RBM33: variants seen among roughly 807,000 people sequenced by gnomAD.
The protein encoded by RBM33 is RNA binding motif protein 33, also known as RNA-binding protein 33.
RBM33 carries 28 observed loss-of-function variants against 132.6 expected under a neutral mutation model. That is an observed-to-expected ratio of 0.21 (90% confidence interval 0.16 to 0.29). RBM33 has a LOEUF of 0.29. Among genes scored for constraint, RBM33 ranks in the 10% least tolerant of loss-of-function variants. The pLI, the probability that RBM33 is intolerant of heterozygous loss-of-function variation, is 1.00. For synonymous variants in RBM33, 634 were observed against 593.0 expected (o/e 1.07, Z -1.01); for missense variants, 1,291 against 1,518.5 (o/e 0.85, Z 2.49).
chr7:155,656,513 C>G (rs1798495305), intron 1 of RBM33, among the ~76,000 whole-genome samples: 1 of 152,040 alleles, frequency 6.6e-6, no homozygotes, highest in Admixed American at 6.6e-5. Flanking sequence ...CTTTTTACAA[C>G]TACGTATTTA....
rs776438670 is a variant in RBM33, at chr7:155,673,799, C to CACACACACAT, written c.171+886_171+887insACACACATAC. ...ACACACACACACACACACACACACA[C>CACACACACAT]ACCCCTACCAGTATATTTCGGACAT... On this transcript the variant is annotated intron_variant, in intron 3 of 17. Transcript: ENST00000401878. 1.4e-4 allele frequency among the ~76,000 whole-genome samples: 21 copies of CACACACACAT among 149,228 alleles called. 2 individuals carry two copies. Among genetic ancestry groups the CACACACACAT allele is most frequent in the African/African-American group, 4.8e-4 (19 of 39,478 alleles).
At chr7:155,673,940 G>GTTGTTGCTTTTTTTTTGTTTTT in intron 3 of RBM33, among the ~76,000 whole-genome samples, 1 of 54,214 alleles carries the variant, frequency 1.8e-5, no homozygotes. Context: ...TTTAGGCTTA[G>GTTGTTGCTTTTTTTTTGTTTTT]TTTTTTTTTT....
At chr7:155,773,031 C>T (rs548328957) in intron 16 of RBM33, among the ~76,000 whole-genome samples, 12 of 152,298 alleles carry the variant, frequency 7.9e-5, no homozygotes, top group African/African-American at 2.6e-4. Flanking sequence ...TGTTTTTTAG[C>T]TGTTTGCTTC....
chr7:155,656,219 G>A (rs1344838220), intron 1 of RBM33, among the ~76,000 whole-genome samples: 1 of 152,228 alleles, frequency 6.6e-6, no homozygotes, highest in East Asian at 1.9e-4. Flanking sequence ...TTGTTAACCA[G>A]TGTGATTTTG....
chr7:155,725,794 T>C (rs1009035710), intron 9 of RBM33, among the ~76,000 whole-genome samples: 16 of 152,246 alleles, frequency 1.1e-4, no homozygotes, highest in African/African-American at 3.9e-4. Flanking sequence ...ATTATCCTAA[T>C]GTATTTAAAT....
chr7:155,704,469 A>C (rs1236467456), intron 6 of RBM33, among the ~76,000 whole-genome samples: 1 of 152,188 alleles, frequency 6.6e-6, no homozygotes, highest in Non-Finnish European at 1.5e-5. Context: ...CAGAGTAGGC[A>C]TGTGTAAGGA....
intron 3 of RBM33, among the ~76,000 whole-genome samples, chr7:155,678,009 A>G (rs1379892381): frequency 6.6e-6 from 1 of 152,194 alleles, no homozygotes; most frequent in African/African-American, 2.4e-5. Context: ...ATATAACCTA[A>G]GAAAACCTGG....
intron 5 of RBM33, among the ~76,000 whole-genome samples, chr7:155,683,431 G>T (rs1799390280): frequency 6.6e-6 from 1 of 152,064 alleles, no homozygotes; most frequent in South Asian, 2.1e-4. Flanking sequence ...TTCTCCCTTG[G>T]GTTGTTAACC....
intron 9 of RBM33, among the ~76,000 whole-genome samples, chr7:155,730,279 A>G (rs1461328026): frequency 6.6e-6 from 1 of 152,010 alleles, no homozygotes; most frequent in East Asian, 1.9e-4. Context: ...TCTGATTTGA[A>G]CTCAGAAATA....
In RBM33 at chr7:155,766,610, G is replaced by A. The variant is rs940827933; in HGVS notation, c.3330G>A (p.Thr1110=). ...VSVEGLSSST[T]DAQLKSLLMS... is the part of the protein sequence containing the mutation. ...TGGAGGGGCTGTCCTCGTCCACCACGGATGCCCAGCTGAAGAGCCTGCTGA... is the reference window on the plus strand; with the variant it reads ...TGGAGGGGCTGTCCTCGTCCACCACAGATGCCCAGCTGAAGAGCCTGCTGA... The change falls in exon 16 of 18, where the codon ACG becomes ACA. Residue 1110 remains threonine (T), a synonymous_variant. Coordinates refer to ENST00000401878, the MANE Select transcript of RBM33 (RefSeq NM_053043.3). The A allele has an allele frequency of 7.4e-6, 12 of 1,612,384 alleles. No individual in the cohort carries two copies. The highest frequency in any genetic ancestry group is 2.2e-5 in the South Asian group (2 of 90,644).
chr7:155,656,255 C>T (rs1234991277), intron 1 of RBM33, among the ~76,000 whole-genome samples: 3 of 152,150 alleles, frequency 2.0e-5, no homozygotes, highest in Non-Finnish European at 2.9e-5. Context: ...AATGTGTTAG[C>T]ATTTGGAGTA....
chr7:155,720,995 C>G (rs1371259375), intron 9 of RBM33, among the ~76,000 whole-genome samples: 1 of 152,150 alleles, frequency 6.6e-6, no homozygotes, highest in East Asian at 1.9e-4. Context: ...GATTTGAATT[C>G]AGAAATCTGT....
chr7:155,701,312 A>G (rs1333459645), intron 6 of RBM33: 8 of 340,370 alleles, frequency 2.4e-5, no homozygotes, highest in Non-Finnish European at 3.7e-5. Flanking sequence ...TGAGGTTGTC[A>G]GGGCGAATTC....
intron 2 of RBM33, among the ~76,000 whole-genome samples, chr7:155,672,076 T>C (rs1165508058): frequency 6.6e-6 from 1 of 152,176 alleles, no homozygotes; most frequent in Non-Finnish European, 1.5e-5. Context: ...TGATTTGATT[T>C]TATGTTCTCG....
chr7:155,694,424 CAT>C (rs1369849047), intron 5 of RBM33, among the ~76,000 whole-genome samples: 1 of 152,166 alleles, frequency 6.6e-6, no homozygotes, highest in African/African-American at 2.4e-5. Context: ...GCTTTAAAAA[CAT>C]ATTTGCACCA....
intron 3 of RBM33, among the ~76,000 whole-genome samples, chr7:155,674,469 T>C (rs1313921416): frequency 3.9e-5 from 6 of 152,324 alleles, no homozygotes; most frequent in Admixed American, 3.3e-4. Context: ...AAGGTTTAAA[T>C]GTAGTAAAAT....
chr7:155,768,625 T>G (rs1398687558), intron 16 of RBM33, among the ~76,000 whole-genome samples: 1 of 152,256 alleles, frequency 6.6e-6, no homozygotes, highest in Non-Finnish European at 1.5e-5. Flanking sequence ...ATTTTTTGTT[T>G]TTGTTTTTGG....
rs184848883 is a variant in RBM33, at chr7:155,755,020, C to T, written c.2980-8792C>T. ...TTAATATTTTCTTTTACCCCCTCTT[C>T]TTTAATCCAGTAGTCTTCAGAGAAA... On this transcript the variant is annotated intron_variant, in intron 14 of 17. Transcript: ENST00000401878. Among the ~76,000 whole-genome samples the T allele has an allele frequency of 2.1e-3, 327 of 152,276 alleles. 1 individual carries two copies. Among genetic ancestry groups the T allele is most frequent in the Admixed American group, 3.7e-3 (56 of 15,306 alleles).
intron 15 of RBM33, 63 bp from the exon 16 acceptor site, chr7:155,766,397 TTTATATC>T: frequency 6.7e-7 from 1 of 1,503,418 alleles, no homozygotes; most frequent in South Asian, 1.2e-5. Context: ...TTTGTTCACT[TTTATATC>T]TTAGTGACTA....
Sources: gnomAD v4.1 joint callset for allele counts (sites outside exome capture counted in the v4.1 genomes callset) on GRCh38, gnomAD v4.1.1 for gene constraint, MANE v1.5 for transcripts, NCBI Gene and HGNC (gene_info 2026-07-23, HGNC 2026-07-21) for gene names.